Variants in BRCA1 observed in about 807,000 individuals in gnomAD.
The protein encoded by BRCA1 is breast cancer type 1 susceptibility protein.
In BRCA1, 140 loss-of-function variants were observed where a neutral mutation model predicts 173.7. That is an observed-to-expected ratio of 0.81 (90% confidence interval 0.70 to 0.93). BRCA1 has a LOEUF of 0.93. BRCA1 is among the 40% of genes least tolerant of loss of function. The pLI is 0.00. For missense variants in BRCA1, 1,983 were observed against 2,172.5 expected, an observed-to-expected ratio of 0.91 and a Z score of 1.73; for synonymous variants, 662 against 756.0, an observed-to-expected ratio of 0.88 and a Z score of 2.04.
At chr17:43,095,771 G>A in intron 9 of BRCA1, 75 bp downstream of exon 9, 1 of 1,248,964 alleles carries the variant, frequency 8.0e-7, no homozygotes, top group Non-Finnish European at 1.2e-6. Context: ...ATGGTCTTCA[G>A]AATAATCTAA....
At chr17:43,081,670 A>AT (rs1337025089) in intron 12 of BRCA1, among the ~76,000 whole-genome samples, 2 of 152,064 alleles carry the variant, frequency 1.3e-5, no homozygotes, top group Admixed American at 1.3e-4. Context: ...TGCCTGATGT[A>AT]TTGTCTTTCC....
intron 20 of BRCA1, chr17:43,049,926 C>T: frequency 2.5e-6 from 1 of 394,916 alleles, no homozygotes; most frequent in East Asian, 3.6e-5. Context: ...CTAACTCACC[C>T]CCAAAATAAT....
chr17:43,142,968 A>G lies in BRCA1; in HGVS notation c.-19-18853T>C, dbSNP rs766165101. ...TATATATATGTGTGTGTGTGTGTGT[A>G]TATATATGTGTGTATATATATATGT... On this transcript the variant is annotated intron_variant, in intron 1 of 7. Transcript: ENST00000634433. Among the ~76,000 whole-genome samples, 243 of 71,126 alleles carry G rather than the reference A, an allele frequency of 3.4e-3. 1 individual carries two copies. The highest frequency in any genetic ancestry group is 6.0e-3 in the African/African-American group (146 of 24,436). 46.7% of individuals were successfully genotyped at this position (71,126 alleles called of 152,430 possible).
Position 43,108,707 on chromosome 17 carries a change from A to C in BRCA1, c.135-2174T>G, listed in dbSNP as rs534033511. Among the ~76,000 whole-genome samples, 4 of 76,642 alleles carry C rather than the reference A, an allele frequency of 5.2e-5. No individual in the cohort carries two copies. The South Asian group carries it at 2.0e-3, about 39-fold the overall frequency. 50.3% of individuals were successfully genotyped at this position (76,642 alleles called of 152,430 possible). The stretch of plus-strand genomic sequence containing the variant: ...GGGCAACAGAGGAAGACTCTGTCTC[A>C]AAAAAAAAAAAAAAAAAAAAAAAAA... On this transcript the variant is annotated intron_variant, in intron 3 of 22. Transcript: ENST00000357654.
intron 16 of BRCA1, among the ~76,000 whole-genome samples, chr17:43,066,149 T>G (rs1411902578): frequency 6.6e-6 from 1 of 152,130 alleles, no homozygotes; most frequent in Non-Finnish European, 1.5e-5. Context: ...AAATAAGCAT[T>G]TTTAGCAGCC....
rs1597866960 is a variant in BRCA1 at position 43,092,640 on chromosome 17, C to T, written c.2891G>A (p.Gly964Glu). The T allele has an allele frequency of 6.2e-7, 1 of 1,614,038 alleles. No homozygotes were observed. Among genetic ancestry groups the T allele is most frequent in the Admixed American group, 1.7e-5 (1 of 60,006 alleles). The change falls in exon 10 of 23, where the codon GGA (glycine) becomes GAA (glutamate). Residue 964 changes from glycine (G) to glutamate (E), a missense_variant. Coordinates refer to ENST00000357654, the MANE Select transcript of BRCA1 (RefSeq NM_007294.4). ...TCCATGTTTATTTGGAGTAATGAGTCCAGTTTCGTTGCCTCTGAACTGAGA... is the reference window on the plus strand; with the variant it reads ...TCCATGTTTATTTGGAGTAATGAGTTCAGTTTCGTTGCCTCTGAACTGAGA... ...LSSQFRGNET[G>E]LITPNKHGLL...
chr17:43,099,930 C>T lies in BRCA1; in HGVS notation c.442-50G>A, dbSNP rs1174795969. ...CAAGCAATTGTTGGCCAGTTCTGTG[C>T]TTTTCCTCCTGAAGAGAAACTTGAC... On this transcript the variant is annotated intron_variant, in intron 6 of 22. Coordinates refer to ENST00000357654, the MANE Select transcript of BRCA1 (RefSeq NM_007294.4). The T allele has an allele frequency of 4.3e-6, 6 of 1,402,114 alleles. No homozygotes were observed. The South Asian group carries it at 5.8e-5, about 13-fold the overall frequency. The allele number at this position is 1,402,114 out of a possible 1,614,324, so 86.9% of individuals were successfully genotyped here.
chr17:43,049,034 G>C (rs945757244), intron 21 of BRCA1, 87 bp downstream of exon 21: 1 of 1,279,186 alleles, frequency 7.8e-7, no homozygotes, highest in Non-Finnish European at 1.1e-6. Context: ...CTACAGTAGG[G>C]GCATCCATAG....
chr17:43,106,622 T>G, intron 3 of BRCA1, 89 bp from the exon 4 acceptor site: 1 of 959,268 alleles, frequency 1.0e-6, no homozygotes, highest in Admixed American at 2.1e-5. Context: ...GAAAAGATAA[T>G]CTCACAACTG....
chr17:43,072,516 T>C (rs535984309), intron 14 of BRCA1, among the ~76,000 whole-genome samples: 1 of 151,766 alleles, frequency 6.6e-6, no homozygotes, highest in South Asian at 2.1e-4. Context: ...GATCTTCCTG[T>C]CTCAGCCTCC....
At chr17:43,076,392 A>C in intron 13 of BRCA1, 96 bp downstream of exon 13, 2 of 1,493,130 alleles carry the variant, frequency 1.3e-6, no homozygotes, top group Non-Finnish European at 1.9e-6. Flanking sequence ...TGTATGCAAA[A>C]AACTGGAGAA....
rs1226256086 is a variant in BRCA1, at chr17:43,044,967, C to T, written c.*711G>A. On this transcript the variant is annotated 3_prime_UTR_variant, in exon 23 of 23. Transcript: ENST00000357654. ...TACAGGTGTCCACCACCATGACCGG[C>T]TAATTTCTGTATTTTTAGTAGAGAT... is the stretch of plus-strand genomic sequence containing the variant. 1 of 481,814 alleles carries T rather than the reference C, an allele frequency of 2.1e-6. No individual in the cohort carries two copies. The highest frequency in any genetic ancestry group is 4.8e-5 in the East Asian group (1 of 21,008). 29.8% of individuals were successfully genotyped at this position (481,814 alleles called of 1,614,324 possible). A position where few individuals can be genotyped will look rare whatever the true frequency, so the allele number is the denominator to read the frequency against.
In BRCA1 at chr17:43,050,988, G is replaced by T. The variant is rs536980757; in HGVS notation, c.5332+75C>A. 3.1e-5 allele frequency: 44 copies of T among 1,437,486 alleles called. No individual in the cohort carries two copies. In the South Asian group the frequency reaches 4.9e-4, roughly 16 times the overall value. The allele number at this position is 1,437,486 out of a possible 1,614,324, so 89.0% of individuals were successfully genotyped here. A position where few individuals can be genotyped will look rare whatever the true frequency, so the allele number is the denominator to read the frequency against. On this transcript the variant is annotated intron_variant, in intron 20 of 22. Transcript: ENST00000357654. ...AGCAATCTGAGGAACCCCCATCGTG[G>T]GATCTTGCTTATAATACTCCACTAT...
chr17:43,120,606 A>C (rs1266304093), intron 2 of BRCA1, among the ~76,000 whole-genome samples: 1 of 152,060 alleles, frequency 6.6e-6, no homozygotes, highest in Non-Finnish European at 1.5e-5. Flanking sequence ...TCTACTAAAA[A>C]TACAAAAAAT....
intron 1 of BRCA1, chr17:43,138,987 C>G (rs973018128): frequency 1.3e-6 from 1 of 777,842 alleles, no homozygotes; most frequent in African/African-American, 1.7e-5. Flanking sequence ...TCTAGCCCCT[C>G]CAATGAAAAG....
At chr17:43,076,014 G>A (rs2052695086) in intron 13 of BRCA1, among the ~76,000 whole-genome samples, 1 of 151,872 alleles carries the variant, frequency 6.6e-6, no homozygotes. Context: ...GATTGCTTGA[G>A]CCTGAAAAAC....
rs754014157 is a variant in BRCA1, at chr17:43,091,957, G to A, written c.3574C>T (p.Pro1192Ser). ...QKGELSRSPS[P>S]FTHTHLAQGY... The stretch of plus-strand genomic sequence containing the variant: ...TGAGCCAAATGTGTATGGGTGAAAG[G>A]GCTAGGACTCCTGCTAAGCTCTCCT... The change falls in exon 10 of 23, where the codon CCT becomes TCT. Residue 1192 changes from proline to serine, a missense_variant. By Grantham distance (74) the Pro-to-Ser change is moderately conservative. Transcript: ENST00000357654. 6 of 1,613,864 alleles carry A rather than the reference G, an allele frequency of 3.7e-6. No individual in the cohort carries two copies.
intron 20 of BRCA1, 104 bp downstream of exon 20, chr17:43,050,959 T>C (rs2051186055): frequency 2.6e-6 from 3 of 1,164,558 alleles, no homozygotes; most frequent in Non-Finnish European, 3.8e-6. Flanking sequence ...CTCTAGAACA[T>C]TTCAGCAATC....
intron 13 of BRCA1, 149 bp downstream of exon 13, chr17:43,076,339 A>T: frequency 3.2e-6 from 3 of 939,610 alleles, no homozygotes; most frequent in African/African-American, 1.7e-5. Flanking sequence ...ATATAGGATT[A>T]AACAAAAGAA....
Sources: allele counts gnomAD v4.1 joint callset (sites outside exome capture counted in the v4.1 genomes callset), GRCh38; gene constraint gnomAD v4.1.1; transcripts MANE v1.5; gene names NCBI Gene and HGNC (gene_info 2026-07-23, HGNC 2026-07-21).